GYG2: variants seen among roughly 807,000 people sequenced by gnomAD.
The protein encoded by GYG2 is glycogenin-2.
In GYG2, 29 loss-of-function variants were observed where a neutral mutation model predicts 29.4. The observed-to-expected ratio is 0.99, with a 90% CI of 0.74 to 1.35. The LOEUF is 1.35. Ranked by LOEUF, GYG2 falls within the 40% of genes most tolerant of loss-of-function variation. The probability of loss-of-function intolerance (pLI) is 0.00; values close to 1 mark genes in which losing one functional copy is unlikely to be tolerated. For synonymous variants in GYG2, 167 were observed against 172.3 expected, an observed-to-expected ratio of 0.97 and a Z score of 0.24; for missense variants, 370 against 385.7, an observed-to-expected ratio of 0.96 and a Z score of 0.34.
At chrX:2,865,881 T>C (rs755036071) in intron 8 of GYG2, among the ~76,000 whole-genome samples, 1 of 107,954 alleles carries the variant, frequency 9.3e-6, no homozygotes, top group East Asian at 2.9e-4. Flanking sequence ...CCATCACCAC[T>C]GGGCATTTAT....
chrX:2,873,234 T>C (rs1273586240), intron 8 of GYG2, among the ~76,000 whole-genome samples: 4 of 112,377 alleles, frequency 3.6e-5, no homozygotes, highest in African/African-American at 1.3e-4. Context: ...GTCTGATATC[T>C]TTGACAACTT....
chrX:2,830,147 A>G lies in GYG2; in HGVS notation c.-42A>G, dbSNP rs763992802. The G allele has an allele frequency of 3.3e-6, 4 of 1,195,198 alleles. No individual in the cohort carries two copies. Among genetic ancestry groups the G allele is most frequent in the Non-Finnish European group, 4.5e-6 (4 of 880,682 alleles). On this transcript the variant is annotated 5_prime_UTR_variant, in exon 2 of 11. Transcript: ENST00000398806. ...AAGTCCACCCACTGCTCCCGGGCGC[A>G]GGTCTGCAGGTCCGCGCCCACTGCC...
At chrX:2,859,056 A>C (rs1218204923) in intron 6 of GYG2, among the ~76,000 whole-genome samples, 1 of 111,644 alleles carries the variant, frequency 9.0e-6, no homozygotes, top group Non-Finnish European at 1.9e-5. Flanking sequence ...GTTTTTTGAT[A>C]TATAGAAAAT....
intron 3 of GYG2, among the ~76,000 whole-genome samples, chrX:2,849,059 C>T (rs2087810245): frequency 1.8e-5 from 2 of 111,398 alleles, no homozygotes; most frequent in South Asian, 7.6e-4. Flanking sequence ...ATGGAGTGAT[C>T]TTGCAGGGAA....
At position 2,859,943 on chromosome X, in the gene GYG2, G is replaced by T; in HGVS notation, c.715G>T (p.Ala239Ser). 1 of 1,195,251 alleles carries T rather than the reference G, an allele frequency of 8.4e-7. No individual in the cohort carries two copies. Among genetic ancestry groups the T allele is most frequent in the Non-Finnish European group, 1.1e-6 (1 of 881,400 alleles). The change falls in exon 7 of 11, where the codon GCG becomes TCG. Residue 239 changes from alanine to serine, a missense_variant. Coordinates refer to ENST00000398806, the MANE Select transcript of GYG2 (RefSeq NM_001079855.2). ...TGGCTCGGTGTTGGAGCAAGGCTCA[G>T]CGTCCAGCAGCCAGCACCAGGCGGC... ...QSGSVLEQGS[A>S]SSSQHQAAFL... is the part of the protein sequence containing the mutation.
chrX:2,832,863 C>T (rs1335633576), intron 2 of GYG2, among the ~76,000 whole-genome samples: 1 of 112,142 alleles, frequency 8.9e-6, no homozygotes, highest in Non-Finnish European at 1.9e-5. Flanking sequence ...GGACACCAAT[C>T]CTATTGGATC....
At chrX:2,868,837 GCAAAA>G (rs2088375315) in intron 8 of GYG2, among the ~76,000 whole-genome samples, 1 of 111,181 alleles carries the variant, frequency 9.0e-6, no homozygotes, top group Non-Finnish European at 1.9e-5. Flanking sequence ...TAAAGTAAAA[GCAAAA>G]CAAAACAAAA....
intron 6 of GYG2, among the ~76,000 whole-genome samples, chrX:2,857,221 T>C (rs1265723307): frequency 9.1e-6 from 1 of 109,404 alleles, no homozygotes; most frequent in Non-Finnish European, 1.9e-5. Context: ...GATATCTGTC[T>C]ATCTGTCTAA....
chrX:2,829,540 G>A (rs770787146), intron 1 of GYG2, among the ~76,000 whole-genome samples: 111 of 98,716 alleles, frequency 1.1e-3, no homozygotes, highest in Non-Finnish European at 1.9e-3. Context: ...GAGGCGCAGG[G>A]GTAGGCCGGG....
chrX:2,875,987 C>T, intron 9 of GYG2, 73 bp downstream of exon 9: 1 of 516,870 alleles, frequency 1.9e-6, no homozygotes, highest in East Asian at 3.9e-5. Context: ...GGGTCTATCC[C>T]CATTACATAC....
At chrX:2,849,633 C>T (rs1320144657) in intron 3 of GYG2, among the ~76,000 whole-genome samples, 3 of 112,080 alleles carry the variant, frequency 2.7e-5, no homozygotes, top group African/African-American at 9.7e-5. Context: ...CTGGTTGTGA[C>T]AATTGATGTC....
intron 10 of GYG2, among the ~76,000 whole-genome samples, chrX:2,879,561 G>A (rs779944496): frequency 2.7e-5 from 3 of 111,804 alleles, no homozygotes; most frequent in Admixed American, 9.5e-5. Context: ...CACCACACCC[G>A]GCTATCTATC....
At chrX:2,829,740 G>C (rs1320986006) in intron 1 of GYG2, among the ~76,000 whole-genome samples, 1 of 110,183 alleles carries the variant, frequency 9.1e-6, no homozygotes, top group Admixed American at 9.5e-5. Flanking sequence ...GCAGGTGCGC[G>C]GGGCGGCGGG....
At chrX:2,830,777 G>T (rs1367391602) in intron 2 of GYG2, among the ~76,000 whole-genome samples, 3 of 111,835 alleles carry the variant, frequency 2.7e-5, no homozygotes, top group Non-Finnish European at 3.8e-5. Flanking sequence ...TTAAAAATCA[G>T]CTGGGCATTG....
intron 3 of GYG2, among the ~76,000 whole-genome samples, chrX:2,848,270 A>T (rs931634855): frequency 9.0e-5 from 10 of 111,498 alleles, no homozygotes; most frequent in African/African-American, 3.3e-4. Flanking sequence ...TGGGTGTGGT[A>T]CCTCACGCCT....
intron 3 of GYG2, among the ~76,000 whole-genome samples, chrX:2,849,827 G>A (rs113136108): frequency 2.6e-4 from 29 of 112,052 alleles, no homozygotes; most frequent in Non-Finnish European, 5.1e-4. Context: ...CAAGAAAGGC[G>A]AGAGTAGCCA....
chrX:2,870,085 T>C (rs913057944), intron 8 of GYG2, among the ~76,000 whole-genome samples: 1 of 108,495 alleles, frequency 9.2e-6, no homozygotes, highest in Non-Finnish European at 1.9e-5. Flanking sequence ...ATTAAAAGAT[T>C]ACAGATGTCC....
At chrX:2,830,258 G>T (rs1407080034) in intron 2 of GYG2, 63 bp downstream of exon 2, 14 of 997,051 alleles carry the variant, frequency 1.4e-5, no homozygotes, top group African/African-American at 1.9e-5. Flanking sequence ...TGACAGATTG[G>T]TCTGCACTGG....
Position 2,861,537 on chromosome X carries a change from G to C in GYG2, c.853G>C (p.Val285Leu), listed in dbSNP as rs750976867. 1 of 1,205,406 alleles carries C rather than the reference G, an allele frequency of 8.3e-7. No individual in the cohort carries two copies. Among genetic ancestry groups the C allele is most frequent in the Non-Finnish European group, 1.1e-6 (1 of 892,275 alleles). ...TTTTGTGCAGCTTTGCCACAGTGAT[G>C]TGGGGGGGCCGTGTGCGGATTCAGC... ...SPGHTLCHSDVGGPCADSASG... is the reference protein window; with the variant it reads ...SPGHTLCHSDLGGPCADSASG... Residue 285 changes from valine to leucine, a missense_variant, in exon 8 of 11, where the codon GTG becomes CTG. Physicochemically the swap from Val to Leu is conservative, Grantham distance 32. Coordinates refer to ENST00000398806, the MANE Select transcript of GYG2 (RefSeq NM_001079855.2).
Sources: gnomAD v4.1 joint callset for allele counts (sites outside exome capture counted in the v4.1 genomes callset) on GRCh38, gnomAD v4.1.1 for gene constraint, MANE v1.5 for transcripts, NCBI Gene and HGNC (gene_info 2026-07-23, HGNC 2026-07-21) for gene names.